The following RCAN1 variants were observed in gnomAD, a reference collection of about 807,000 sequenced individuals.
The protein encoded by RCAN1 is calcipressin-1.
A neutral mutation model predicts 22.9 loss-of-function variants in RCAN1; 11 were observed. The ratio of observed to expected loss-of-function variants is 0.48; its 90% CI spans 0.30 to 0.79. The LOEUF is 0.79. RCAN1 is among the 30% of genes least tolerant of loss of function. RCAN1 has a pLI of 0.06. For missense variants in RCAN1, 291 were observed against 337.8 expected (o/e 0.86, Z 1.09); for synonymous variants, 136 against 142.3 (o/e 0.96, Z 0.32).
intron 1 of RCAN1, among the ~76,000 whole-genome samples, chr21:34,577,461 T>C (rs1481494380): frequency 6.6e-6 from 1 of 151,938 alleles, no homozygotes; most frequent in Non-Finnish European, 1.5e-5. Context: ...TGGTCAGGCA[T>C]GGTGGTGTGC....
chr21:34,584,519 T>C (rs1344603742), intron 1 of RCAN1, among the ~76,000 whole-genome samples: 1 of 152,242 alleles, frequency 6.6e-6, no homozygotes, highest in East Asian at 1.9e-4. Flanking sequence ...GGTTTTCTCT[T>C]ACTGACCACT....
At chr21:34,520,308 C>T (rs1202612005) in intron 3 of RCAN1, among the ~76,000 whole-genome samples, 1 of 152,150 alleles carries the variant, frequency 6.6e-6, no homozygotes, top group Non-Finnish European at 1.5e-5. Flanking sequence ...CAAGTGGAGA[C>T]CCTGTTTTCT....
intron 1 of RCAN1, among the ~76,000 whole-genome samples, chr21:34,563,768 AAAATATATAT>A (rs1423624405): frequency 0.016 from 1,436 of 88,296 alleles, 57 homozygotes; most frequent in African/African-American, 0.065. Flanking sequence ...AAAAAAAAAA[AAAATATATAT>A]ATATATATAT....
rs191685266 is a variant in RCAN1, at chr21:34,532,046, C to T, written c.253-8336G>A. 9.9e-4 allele frequency among the ~76,000 whole-genome samples: 150 copies of T among 152,166 alleles called. 1 individual carries two copies. The highest frequency in any genetic ancestry group is 3.4e-3 in the Middle Eastern group (1 of 294). The stretch of plus-strand genomic sequence containing the variant: ...GGCGGGGGTAGATTGAGCTCAACTC[C>T]GAATACAGCATGGCCAAGAAGCAGT... On this transcript the variant is annotated intron_variant, in intron 1 of 3. Transcript: ENST00000313806.
At chr21:34,543,631 C>T (rs1270012212) in intron 1 of RCAN1, among the ~76,000 whole-genome samples, 1 of 152,238 alleles carries the variant, frequency 6.6e-6, no homozygotes, top group Non-Finnish European at 1.5e-5. Flanking sequence ...AGAAAGGTAG[C>T]TTTATAGAAC....
At chr21:34,558,216 G>A (rs1224222348) in intron 1 of RCAN1, among the ~76,000 whole-genome samples, 1 of 152,128 alleles carries the variant, frequency 6.6e-6, no homozygotes, top group Non-Finnish European at 1.5e-5. Flanking sequence ...GCTGTTTCAG[G>A]TTCCCATCAC....
chr21:34,579,046 C>G (rs1007663994), intron 1 of RCAN1, among the ~76,000 whole-genome samples: 1 of 152,120 alleles, frequency 6.6e-6, no homozygotes, highest in African/African-American at 2.4e-5. Context: ...AATGTGGGGT[C>G]CCTCAAAGGT....
rs562605776 is a variant in RCAN1 at position 34,529,647 on chromosome 21, A to G, written c.253-5937T>C. Among the ~76,000 whole-genome samples the G allele has an allele frequency of 1.3e-3, 205 of 152,310 alleles. 2 individuals are homozygous for G. Among genetic ancestry groups the G allele is most frequent in the African/African-American group, 4.7e-3 (196 of 41,570 alleles). ...TTAAAAAGCTGACTTTCCTACTTGTATATTCCTTGTGGTTTTGGAGGCAAG... is the reference window on the plus strand; with the variant it reads ...TTAAAAAGCTGACTTTCCTACTTGTGTATTCCTTGTGGTTTTGGAGGCAAG... On this transcript the variant is annotated intron_variant, in intron 1 of 3. Transcript: ENST00000313806.
chr21:34,595,688 G>A (rs1268977012), intron 1 of RCAN1, among the ~76,000 whole-genome samples: 1 of 152,210 alleles, frequency 6.6e-6, no homozygotes, highest in Non-Finnish European at 1.5e-5. Context: ...CTTCTCAACT[G>A]GCAGCAGATT....
chr21:34,531,604 C>T (rs1442033682), intron 1 of RCAN1, among the ~76,000 whole-genome samples: 3 of 152,238 alleles, frequency 2.0e-5, no homozygotes, highest in Non-Finnish European at 4.4e-5. Context: ...AGCTCGGTCA[C>T]GTTCCTCTCC....
intron 1 of RCAN1, among the ~76,000 whole-genome samples, chr21:34,583,570 G>A (rs1987693349): frequency 6.6e-6 from 1 of 152,198 alleles, no homozygotes; most frequent in African/African-American, 2.4e-5. Flanking sequence ...CGTGCACAGA[G>A]GGAAGACCAT....
intron 1 of RCAN1, among the ~76,000 whole-genome samples, chr21:34,545,803 T>C (rs73208707): frequency 0.025 from 3,757 of 152,350 alleles, 51 homozygotes; most frequent in Middle Eastern, 0.065. Context: ...ACTGGGAGGA[T>C]AGCGGTGCCA....
At chr21:34,585,178 ATTAT>A (rs1398576966) in intron 1 of RCAN1, among the ~76,000 whole-genome samples, 2 of 152,210 alleles carry the variant, frequency 1.3e-5, no homozygotes, top group Non-Finnish European at 2.9e-5. Context: ...TACTTTGGTG[ATTAT>A]TTATAACATT....
chr21:34,518,182 C>T lies in RCAN1; in HGVS notation c.661G>A (p.Glu221Lys). The change falls in exon 4 of 4, where the codon GAG (glutamate) becomes AAG (lysine). Residue 221 changes from glutamate to lysine, a missense_variant. By Grantham distance (56) the Glu-to-Lys change is moderately conservative (BLOSUM62 1). Transcript: ENST00000313806. This position sits in a 1 kb window ranked among gnomAD's most constrained non-coding sequence, Gnocchi z 4.2. ...TCCATTTCCTCTTCTTCCTCCTTCT[C>T]TTGATCACTCTCACATACATGGACC... The part of the protein sequence containing the change: ...VVVHVCESDQ[E>K]KEEEEEMERM... The T allele has an allele frequency of 6.2e-7, 1 of 1,614,224 alleles. No homozygotes were observed. Among genetic ancestry groups the T allele is most frequent in the South Asian group, 1.1e-5 (1 of 91,090 alleles).
chr21:34,519,736 G>T (rs775768029), intron 3 of RCAN1, among the ~76,000 whole-genome samples: 1 of 152,100 alleles, frequency 6.6e-6, no homozygotes, highest in Non-Finnish European at 1.5e-5. Context: ...AAGCGAGGAG[G>T]CACCGCACCA....
intron 1 of RCAN1, among the ~76,000 whole-genome samples, chr21:34,533,118 G>A (rs1030569617): frequency 1.8e-4 from 28 of 151,578 alleles, no homozygotes; most frequent in East Asian, 7.8e-4. Flanking sequence ...CCGCCACCAC[G>A]CCCGGCTAAT....
chr21:34,602,831 T>G (rs1214835787), intron 1 of RCAN1, among the ~76,000 whole-genome samples: 3 of 152,276 alleles, frequency 2.0e-5, no homozygotes, highest in Non-Finnish European at 4.4e-5. Context: ...TGTATTTCTT[T>G]ATGCTGATAT....
chr21:34,552,059 G>T (rs201155321), intron 1 of RCAN1, among the ~76,000 whole-genome samples: 2 of 152,162 alleles, frequency 1.3e-5, no homozygotes, highest in Non-Finnish European at 2.9e-5. Context: ...CTCCATCCTA[G>T]GGTGTTCCTC....
chr21:34,546,159 T>C (rs1165401261), intron 1 of RCAN1, among the ~76,000 whole-genome samples: 3 of 152,184 alleles, frequency 2.0e-5, no homozygotes, highest in Non-Finnish European at 4.4e-5. Context: ...ATAAAATAGA[T>C]AACAAACATT....
Sources: gnomAD v4.1 joint callset for allele counts (sites outside exome capture counted in the v4.1 genomes callset) on GRCh38, gnomAD v4.1.1 for gene constraint, Gnocchi (gnomAD v3.1) non-coding constraint, MANE v1.5 for transcripts, NCBI Gene and HGNC (gene_info 2026-07-23, HGNC 2026-07-21) for gene names.